Variants in ESRRG observed in about 807,000 individuals in gnomAD.
The protein encoded by ESRRG is estrogen related receptor gamma.
A neutral mutation model predicts 44.0 loss-of-function variants in ESRRG; 13 were observed. The observed-to-expected ratio is 0.30, with a 90% CI of 0.19 to 0.47. The LOEUF is 0.47. Among genes scored for constraint, ESRRG ranks in the 20% least tolerant of loss-of-function variants. The probability of loss-of-function intolerance (pLI) is 1.00; values close to 1 mark genes in which losing one functional copy is unlikely to be tolerated. For synonymous variants in ESRRG, 215 were observed against 214.6 expected (o/e 1.00, Z -0.02); for missense variants, 395 against 580.6 (o/e 0.68, Z 3.29).
At chr1:217,047,464 C>G (rs1023732587) in intron 1 of ESRRG, among the ~76,000 whole-genome samples, 2 of 152,132 alleles carry the variant, frequency 1.3e-5, no homozygotes, top group African/African-American at 2.4e-5. Context: ...CAAATACTGT[C>G]AATCCCACCT....
rs2041104549 is a variant in ESRRG, at chr1:216,505,878, C to CTT, written c.*1060_*1061insAA. On this transcript the variant is annotated 3_prime_UTR_variant, in exon 7 of 7. Coordinates refer to ENST00000408911, the MANE Select transcript of ESRRG (RefSeq NM_001438.4). ...AATAAATGGCTGAAAAGTGGTAAAG[C>CTT]TGGTACAAAAAAATCTCCATTTGTA... is the stretch of plus-strand genomic sequence containing the variant. The CTT allele has an allele frequency of 6.6e-6, 1 of 152,552 alleles. No homozygotes were observed. The highest frequency in any genetic ancestry group is 1.5e-5 in the Non-Finnish European group (1 of 68,014). 9.4% of individuals were successfully genotyped at this position (152,552 alleles called of 1,614,324 possible).
chr1:216,761,162 T>TAA (rs200782490), intron 2 of ESRRG, among the ~76,000 whole-genome samples: 14 of 147,300 alleles, frequency 9.5e-5, no homozygotes, highest in South Asian at 2.1e-4. Context: ...ACTACACAAA[T>TAA]AAAAAAAAAA....
At chr1:217,103,021 C>T (rs779686592) in intron 1 of ESRRG, among the ~76,000 whole-genome samples, 22 of 152,140 alleles carry the variant, frequency 1.4e-4, no homozygotes, top group Non-Finnish European at 2.6e-4. Flanking sequence ...CTCCTGTGAG[C>T]AGGAGACTGC....
At chr1:216,625,406 T>C (rs1398740858) in intron 3 of ESRRG, among the ~76,000 whole-genome samples, 1 of 141,674 alleles carries the variant, frequency 7.1e-6, no homozygotes, top group African/African-American at 2.8e-5. Context: ...GAAAACTCTT[T>C]ACTGATGCTC....
At chr1:217,035,320 A>AAAC (rs55853194) in intron 1 of ESRRG, among the ~76,000 whole-genome samples, 1 of 32,090 alleles carries the variant, frequency 3.1e-5, no homozygotes, top group African/African-American at 1.1e-4. Flanking sequence ...ACTCTGTCTC[A>AAAC]AAAAAAAAAA....
At chr1:216,539,604 A>G (rs985910494) in intron 5 of ESRRG, among the ~76,000 whole-genome samples, 1 of 151,882 alleles carries the variant, frequency 6.6e-6, no homozygotes, top group Non-Finnish European at 1.5e-5. Flanking sequence ...TGTCTCCTTC[A>G]CTAGAATTTA....
chr1:217,055,960 CTT>C (rs1200623305), intron 1 of ESRRG, among the ~76,000 whole-genome samples: 1 of 152,170 alleles, frequency 6.6e-6, no homozygotes, highest in Non-Finnish European at 1.5e-5. Flanking sequence ...ACTGTATCTC[CTT>C]TTCTCCTTGG....
intron 2 of ESRRG, among the ~76,000 whole-genome samples, chr1:216,786,839 C>T (rs977529608): frequency 1.3e-5 from 2 of 152,136 alleles, no homozygotes; most frequent in African/African-American, 4.8e-5. Context: ...GTGTCTAAGA[C>T]TCCACTTTGC....
chr1:216,978,941 C>T (rs2073448524), intron 1 of ESRRG, among the ~76,000 whole-genome samples: 1 of 152,098 alleles, frequency 6.6e-6, no homozygotes, highest in African/African-American at 2.4e-5. Context: ...GTCCAAAAGC[C>T]ACAGTGACCA....
At chr1:216,836,049 G>A (rs534794050) in intron 2 of ESRRG, among the ~76,000 whole-genome samples, 8 of 146,114 alleles carry the variant, frequency 5.5e-5, no homozygotes, top group Non-Finnish European at 1.2e-4. Flanking sequence ...GGAGCTCTAG[G>A]TTCTGCTTGT....
intron 2 of ESRRG, among the ~76,000 whole-genome samples, chr1:216,844,188 C>T (rs2095700915): frequency 1.3e-5 from 2 of 152,022 alleles, no homozygotes; most frequent in Admixed American, 6.6e-5. Flanking sequence ...TCATTACAGG[C>T]CTGGAGAGTT....
chr1:216,729,162 G>A (rs1050950035), intron 2 of ESRRG, among the ~76,000 whole-genome samples: 3 of 152,184 alleles, frequency 2.0e-5, no homozygotes, highest in Non-Finnish European at 4.4e-5. Flanking sequence ...TGGGGATTAA[G>A]CAGGTTAAAC....
chr1:217,029,546 T>C (rs576772504), intron 1 of ESRRG, among the ~76,000 whole-genome samples: 6 of 152,202 alleles, frequency 3.9e-5, no homozygotes, highest in Non-Finnish European at 8.8e-5. Context: ...CGAAACGCAT[T>C]ATATAAAGTT....
intron 3 of ESRRG, among the ~76,000 whole-genome samples, chr1:216,625,123 C>T (rs903120876): frequency 2.0e-5 from 3 of 152,286 alleles, no homozygotes; most frequent in African/African-American, 7.2e-5. Flanking sequence ...GAAACTGTCT[C>T]CTCTTTTAGC....
intron 1 of ESRRG, among the ~76,000 whole-genome samples, chr1:217,077,234 T>A (rs1423062112): frequency 1.3e-5 from 2 of 152,198 alleles, no homozygotes; most frequent in African/African-American, 4.8e-5. Context: ...GGGAGCAAGC[T>A]CTTAAGAAAC....
intron 3 of ESRRG, among the ~76,000 whole-genome samples, chr1:216,615,913 C>T (rs1177794901): frequency 6.6e-6 from 1 of 151,846 alleles, no homozygotes; most frequent in African/African-American, 2.4e-5. Flanking sequence ...CTCAGACTCC[C>T]GACCTCAGGA....
chr1:216,533,371 G>C (rs2049986502), intron 5 of ESRRG, among the ~76,000 whole-genome samples: 1 of 152,110 alleles, frequency 6.6e-6, no homozygotes, highest in Non-Finnish European at 1.5e-5. Flanking sequence ...CAAAACTGTA[G>C]AGATCTTGAA....
At chr1:216,842,722 A>G (rs1379880360) in intron 2 of ESRRG, among the ~76,000 whole-genome samples, 4 of 152,182 alleles carry the variant, frequency 2.6e-5, no homozygotes, top group African/African-American at 9.7e-5. Context: ...ATCTTTATCT[A>G]CCCATTGGCA....
At chr1:217,088,357 C>T (rs2092213083) in intron 1 of ESRRG, among the ~76,000 whole-genome samples, 1 of 145,202 alleles carries the variant, frequency 6.9e-6, no homozygotes, top group Middle Eastern at 3.8e-3. Context: ...GACCTAACAG[C>T]TTCTCTTAAC....
Sources: allele counts gnomAD v4.1 joint callset (sites outside exome capture counted in the v4.1 genomes callset), GRCh38; gene constraint gnomAD v4.1.1; transcripts MANE v1.5; gene names NCBI Gene and HGNC (gene_info 2026-07-23, HGNC 2026-07-21).